SPRTN: variants seen among roughly 807,000 people sequenced by gnomAD.
The protein encoded by SPRTN is DNA-dependent metalloprotease SPRTN.
SPRTN carries 11 observed loss-of-function variants against 31.9 expected under a neutral mutation model. That is an observed-to-expected ratio of 0.34 (90% CI 0.22 to 0.57). SPRTN has a LOEUF of 0.57. Among genes scored for constraint, SPRTN ranks in the 20% least tolerant of loss-of-function variants. The pLI is 0.86. For missense variants in SPRTN, 482 were observed against 590.1 expected (o/e 0.82, Z 1.90); for synonymous variants, 185 against 212.1 (o/e 0.87, Z 1.11).
rs1686802593 is a variant in SPRTN, at chr1:231,339,648, AGG to A, written c.222-116_222-115del. 3.0e-6 allele frequency: 3 copies of A among 1,009,352 alleles called. No homozygotes were observed. The Admixed American group carries it at 5.5e-5, about 19-fold the overall frequency. The allele number at this position is 1,009,352 out of a possible 1,614,324, so 62.5% of individuals were successfully genotyped here. A position where few individuals can be genotyped will look rare whatever the true frequency, so the allele number is the denominator to read the frequency against. On this transcript the variant is annotated intron_variant, in intron 1 of 4. Coordinates refer to ENST00000295050, the MANE Select transcript of SPRTN (RefSeq NM_032018.7). Reference sequence around the variant, plus strand: ...GTGAAATGCAAGTATCTGCTAACCAAGGGGGGTATACTTTCATGAAAGCCATC... The same window carrying A: ...GTGAAATGCAAGTATCTGCTAACCAAGGGGTATACTTTCATGAAAGCCATC...
chr1:231,343,203 G>A (rs1228463733), intron 2 of SPRTN, among the ~76,000 whole-genome samples: 1 of 151,872 alleles, frequency 6.6e-6, no homozygotes, highest in Non-Finnish European at 1.5e-5. Context: ...ATACTCTATA[G>A]CCTAGGTATA....
intron 2 of SPRTN, among the ~76,000 whole-genome samples, chr1:231,343,003 C>T (rs947142708): frequency 2.0e-5 from 3 of 151,976 alleles, no homozygotes; most frequent in East Asian, 3.9e-4. Flanking sequence ...TCCCAAAGTG[C>T]TGGGATTACA....
At position 231,338,380 on chromosome 1, in the gene SPRTN, A is replaced by C. The variant is rs553879784; in HGVS notation, c.-4A>C. ...GGCGGACCCCGCCTGTGATCCTGGC[A>C]ACGATGGATGATGACTTGATGTTGG... On this transcript the variant is annotated 5_prime_UTR_variant, in exon 1 of 5. Coordinates refer to ENST00000295050, the MANE Select transcript of SPRTN (RefSeq NM_032018.7). 6.2e-7 allele frequency: 1 copy of C among 1,613,544 alleles called. No homozygotes were observed. Among genetic ancestry groups the C allele is most frequent in the Non-Finnish European group, 8.5e-7 (1 of 1,179,648 alleles).
chr1:231,345,233 T>C (rs1687018475), intron 2 of SPRTN, among the ~76,000 whole-genome samples: 1 of 151,974 alleles, frequency 6.6e-6, no homozygotes, highest in East Asian at 1.9e-4. Context: ...GTGATTCTCC[T>C]GCCTCTGCCT....
At position 231,338,375 on chromosome 1, in the gene SPRTN, C is replaced by CT. The variant is rs1443472746; in HGVS notation, c.-8dup. On this transcript the variant is annotated 5_prime_UTR_variant, in exon 1 of 5. Coordinates refer to ENST00000295050, the MANE Select transcript of SPRTN (RefSeq NM_032018.7). ...ACGCCGGCGGACCCCGCCTGTGATC[C>CT]TGGCAACGATGGATGATGACTTGAT... 1 of 1,612,984 alleles carries CT rather than the reference C, an allele frequency of 6.2e-7. No individual in the cohort carries two copies. Among genetic ancestry groups the CT allele is most frequent in the African/African-American group, 1.3e-5 (1 of 74,936 alleles).
intron 2 of SPRTN, among the ~76,000 whole-genome samples, chr1:231,346,168 T>TTTTC (rs1558364645): frequency 7.5e-5 from 9 of 120,530 alleles, no homozygotes; most frequent in Non-Finnish European, 1.2e-4. Flanking sequence ...AGTTGGGCAT[T>TTTTC]TTTTCTTTTC....
intron 3 of SPRTN, among the ~76,000 whole-genome samples, chr1:231,350,577 A>C (rs1308162889): frequency 1.3e-5 from 2 of 152,144 alleles, no homozygotes; most frequent in South Asian, 2.1e-4. Flanking sequence ...ATTTTATTTG[A>C]CTCAATGAAT....
chr1:231,354,900 T>C lies in SPRTN; in HGVS notation c.*1539T>C, dbSNP rs1484309571. On this transcript the variant is annotated 3_prime_UTR_variant, in exon 5 of 5. Coordinates refer to ENST00000295050, the MANE Select transcript of SPRTN (RefSeq NM_032018.7). ...CACTCCTACCAGCAATGTATGAGAGTTTTAGTTGTTCACCATTCATAACAC... is the reference window on the plus strand; with the variant it reads ...CACTCCTACCAGCAATGTATGAGAGCTTTAGTTGTTCACCATTCATAACAC... 5.2e-6 allele frequency: 3 copies of C among 577,350 alleles called. No homozygotes were observed. In the African/African-American group the frequency reaches 6.1e-5, roughly 12 times the overall value. 35.8% of individuals were successfully genotyped at this position (577,350 alleles called of 1,614,324 possible).
chr1:231,351,590 T>C lies in SPRTN; in HGVS notation c.718+19T>C. The C allele has an allele frequency of 6.2e-7, 1 of 1,611,344 alleles. No individual in the cohort carries two copies. Among genetic ancestry groups the C allele is most frequent in the Non-Finnish European group, 8.5e-7 (1 of 1,178,906 alleles). ...AATAAAGGTACCTTCGTGTATATTCTTCTGATTTTTATGTGACCATAGCTA... is the reference window on the plus strand; with the variant it reads ...AATAAAGGTACCTTCGTGTATATTCCTCTGATTTTTATGTGACCATAGCTA... On this transcript the variant is annotated intron_variant, in intron 4 of 4. Coordinates refer to ENST00000295050, the MANE Select transcript of SPRTN (RefSeq NM_032018.7).
At chr1:231,348,119 T>C (rs552862622) in intron 3 of SPRTN, among the ~76,000 whole-genome samples, 194 bp downstream of exon 3, 11 of 152,366 alleles carry the variant, frequency 7.2e-5, no homozygotes, top group Non-Finnish European at 1.5e-4. Context: ...GTGATATCCC[T>C]GAGGCCTCTG....
At position 231,340,058 on chromosome 1, in the gene SPRTN, A is replaced by AAC. The variant is rs1014232910; in HGVS notation, c.321+191_321+192insCA. The AAC allele has an allele frequency of 1.0e-4, 51 of 501,938 alleles. 1 individual carries two copies. Among genetic ancestry groups the AAC allele is most frequent in the Non-Finnish European group, 1.6e-4 (46 of 289,912 alleles). The allele number at this position is 501,938 out of a possible 1,614,324, so 31.1% of individuals were successfully genotyped here. A position where few individuals can be genotyped will look rare whatever the true frequency, so the allele number is the denominator to read the frequency against. Reference sequence around the variant, plus strand: ...ATAGTGCTTCATAGTAAAAAAAAAAAAAACAAAAAAAAGGCTTCTAGGGGC... The same window carrying AAC: ...ATAGTGCTTCATAGTAAAAAAAAAAAACAAACAAAAAAAAGGCTTCTAGGGGC... On this transcript the variant is annotated intron_variant, in intron 2 of 4. Coordinates refer to ENST00000295050, the MANE Select transcript of SPRTN (RefSeq NM_032018.7).
chr1:231,347,987 T>A, intron 3 of SPRTN, 62 bp downstream of exon 3: 1 of 1,565,460 alleles, frequency 6.4e-7, no homozygotes, highest in Non-Finnish European at 8.6e-7. Flanking sequence ...CTCCTGAGAT[T>A]TAATTAAAAG....
At chr1:231,352,351 C>T in intron 4 of SPRTN, 2 of 1,152,446 alleles carry the variant, frequency 1.7e-6, no homozygotes, top group Non-Finnish European at 2.1e-6. Flanking sequence ...TAAATGTTGC[C>T]TTGTTGTTGG....
chr1:231,352,237 A>C, intron 4 of SPRTN: 1 of 1,003,384 alleles, frequency 1.0e-6, no homozygotes, highest in African/African-American at 1.7e-5. Flanking sequence ...ATTGATATGG[A>C]AAGACCGTAT....
chr1:231,347,675 T>G (rs1054451606), intron 2 of SPRTN, 122 bp from the exon 3 acceptor site: 1 of 1,186,374 alleles, frequency 8.4e-7, no homozygotes, highest in Admixed American at 3.0e-5. Context: ...AGAATGAGTT[T>G]TATCAGTTCT....
Position 231,353,458 on chromosome 1 carries a change from T to C in SPRTN, c.*97T>C, listed in dbSNP as rs1274002479. 1 of 1,461,274 alleles carries C rather than the reference T, an allele frequency of 6.8e-7. No individual in the cohort carries two copies. The allele number at this position is 1,461,274 out of a possible 1,614,324, so 90.5% of individuals were successfully genotyped here. A position where few individuals can be genotyped will look rare whatever the true frequency, so the allele number is the denominator to read the frequency against. Reference sequence around the variant, plus strand: ...CTGGTTAATACTAAGATTTGTAGGTTATAATCTAGTTCACATAACCAATAG... The same window carrying C: ...CTGGTTAATACTAAGATTTGTAGGTCATAATCTAGTTCACATAACCAATAG... On this transcript the variant is annotated 3_prime_UTR_variant, in exon 5 of 5. Coordinates refer to ENST00000295050, the MANE Select transcript of SPRTN (RefSeq NM_032018.7).
At chr1:231,344,033 A>T (rs1339703504) in intron 2 of SPRTN, among the ~76,000 whole-genome samples, 2 of 152,168 alleles carry the variant, frequency 1.3e-5, no homozygotes, top group African/African-American at 2.4e-5. Context: ...ATGGAAAATG[A>T]TAGATATTTA....
chr1:231,339,116 C>G (rs887113379), intron 1 of SPRTN, among the ~76,000 whole-genome samples: 9 of 152,072 alleles, frequency 5.9e-5, no homozygotes, highest in Admixed American at 5.2e-4. Context: ...TTCAGAAATC[C>G]CTATTTGAAA....
At chr1:231,346,441 G>T (rs1033565432) in intron 2 of SPRTN, among the ~76,000 whole-genome samples, 1 of 149,850 alleles carries the variant, frequency 6.7e-6, no homozygotes, top group Non-Finnish European at 1.5e-5. Flanking sequence ...TCCTGACCTC[G>T]TGATCCGGAA....
Sources: allele counts gnomAD v4.1 joint callset (sites outside exome capture counted in the v4.1 genomes callset), GRCh38; gene constraint gnomAD v4.1.1; transcripts MANE v1.5; gene names NCBI Gene and HGNC (gene_info 2026-07-23, HGNC 2026-07-21).